Variants in VAMP4 observed in about 807,000 individuals in gnomAD.
The protein encoded by VAMP4 is vesicle associated membrane protein 4, also known as vesicle-associated membrane protein 4.
In VAMP4, 19 loss-of-function variants were observed where a neutral mutation model predicts 23.5. That is an observed-to-expected ratio of 0.81 (90% CI 0.56 to 1.19). The LOEUF (loss-of-function observed/expected upper bound fraction) is 1.19. VAMP4 is among the 50% of genes most tolerant of loss of function. The probability of loss-of-function intolerance (pLI) is 0.00; values close to 1 mark genes in which losing one functional copy is unlikely to be tolerated. For synonymous variants in VAMP4, 31 were observed against 51.0 expected (o/e 0.61, Z 1.67); for missense variants, 145 against 168.6 (o/e 0.86, Z 0.78).
At chr1:171,733,432 C>T (rs987083535) in intron 2 of VAMP4, among the ~76,000 whole-genome samples, 5 of 151,944 alleles carry the variant, frequency 3.3e-5, no homozygotes, top group Non-Finnish European at 7.4e-5. Context: ...TGCATTCCAG[C>T]CTGGGTGACA....
At chr1:171,719,111 T>C (rs1315748936) in intron 4 of VAMP4, 60 bp downstream of exon 4, 29 of 1,503,714 alleles carry the variant, frequency 1.9e-5, no homozygotes, top group Non-Finnish European at 2.6e-5. Flanking sequence ...GGCTGCAGTT[T>C]GCCAATCTCT....
intron 2 of VAMP4, among the ~76,000 whole-genome samples, chr1:171,737,631 T>G (rs375732105): frequency 6.6e-6 from 1 of 152,222 alleles, no homozygotes; most frequent in Admixed American, 6.5e-5. Context: ...TTTATTTACA[T>G]AGTTAGTTAG....
intron 7 of VAMP4, among the ~76,000 whole-genome samples, chr1:171,704,740 TTAAA>T (rs750965374): frequency 6.6e-6 from 1 of 152,054 alleles, no homozygotes; most frequent in Non-Finnish European, 1.5e-5. Flanking sequence ...CATTGGCATC[TTAAA>T]TAAATAATGG....
intron 4 of VAMP4, among the ~76,000 whole-genome samples, chr1:171,715,599 T>C (rs552162183): frequency 6.6e-6 from 1 of 152,316 alleles, no homozygotes; most frequent in East Asian, 1.9e-4. Context: ...TTAAATGAGA[T>C]AGTGTTATTC....
intron 5 of VAMP4, 25 bp downstream of exon 5, chr1:171,710,689 T>C (rs1203464786): frequency 1.9e-6 from 3 of 1,539,678 alleles, no homozygotes; most frequent in African/African-American, 2.7e-5. Context: ...ATTAGTAATA[T>C]CAAGAAATAC....
Position 171,738,109 on chromosome 1 carries a change from T to C in VAMP4, c.66+240A>G, listed in dbSNP as rs181128942. ...TTAGCCTCTTGAATAGCTGGAACCA[T>C]AGGCATGTGCTACCATGCCCCATTA... On this transcript the variant is annotated intron_variant, in intron 2 of 7. Coordinates refer to ENST00000236192, the MANE Select transcript of VAMP4 (RefSeq NM_003762.5). Among the ~76,000 whole-genome samples the C allele has an allele frequency of 2.1e-3, 324 of 152,282 alleles. 1 individual carries two copies. The highest frequency in any genetic ancestry group is 3.7e-3 in the South Asian group (18 of 4,828).
chr1:171,709,451 T>C (rs1168991937), intron 6 of VAMP4, among the ~76,000 whole-genome samples: 1 of 152,234 alleles, frequency 6.6e-6, no homozygotes, highest in Non-Finnish European at 1.5e-5. Flanking sequence ...AAAAAATCTA[T>C]GAAAACATCC....
chr1:171,718,873 A>G (rs1655100167), intron 4 of VAMP4, among the ~76,000 whole-genome samples: 1 of 152,168 alleles, frequency 6.6e-6, no homozygotes, highest in Non-Finnish European at 1.5e-5. Context: ...CCCAGCAGTT[A>G]TATTTAGTCT....
intron 7 of VAMP4, among the ~76,000 whole-genome samples, chr1:171,704,843 CATATA>C (rs1654598530): frequency 6.6e-6 from 1 of 151,818 alleles, no homozygotes; most frequent in Non-Finnish European, 1.5e-5. Flanking sequence ...TTAGAAAGTA[CATATA>C]ATATAGTCTT....
At chr1:171,740,106 C>G (rs963311557) in intron 1 of VAMP4, among the ~76,000 whole-genome samples, 2 of 152,176 alleles carry the variant, frequency 1.3e-5, no homozygotes, top group African/African-American at 4.8e-5. Context: ...CACCAAGAAA[C>G]TAGGAGAAAA....
intron 2 of VAMP4, among the ~76,000 whole-genome samples, chr1:171,733,179 C>T (rs975001968): frequency 1.3e-5 from 2 of 150,392 alleles, no homozygotes; most frequent in Non-Finnish European, 2.9e-5. Flanking sequence ...GGTTTATGGC[C>T]GGGCATGGTG....
At chr1:171,722,308 G>A (rs1655222172) in intron 3 of VAMP4, among the ~76,000 whole-genome samples, 1 of 152,106 alleles carries the variant, frequency 6.6e-6, no homozygotes, top group Non-Finnish European at 1.5e-5. Flanking sequence ...AACCCTAGAA[G>A]AAAACCTAGG....
rs35549560 is a variant in VAMP4, at chr1:171,727,240, C to CAAA, written c.113+1281_113+1283dup. On this transcript the variant is annotated intron_variant, in intron 3 of 7. Transcript: ENST00000236192. ...CCTGGGCAAAAGTAATACCTTGTCT[C>CAAA]AAAAAAAAAAAAAAAAAAAGCCAAA... is the stretch of plus-strand genomic sequence containing the variant. Among the ~76,000 whole-genome samples, 501 of 84,888 alleles carry CAAA rather than the reference C, an allele frequency of 5.9e-3. 22 individuals carry two copies. Among genetic ancestry groups the CAAA allele is most frequent in the African/African-American group, 0.02 (412 of 20,376 alleles). 55.7% of individuals were successfully genotyped at this position (84,888 alleles called of 152,430 possible). A position where few individuals can be genotyped will look rare whatever the true frequency, so the allele number is the denominator to read the frequency against.
chr1:171,723,245 T>C (rs1309442938), intron 3 of VAMP4, among the ~76,000 whole-genome samples: 6 of 152,132 alleles, frequency 3.9e-5, no homozygotes, highest in Admixed American at 3.9e-4. Context: ...AAATTAAAAT[T>C]GCTAATGAAG....
chr1:171,719,083 A>G (rs1369011467), intron 4 of VAMP4, 88 bp downstream of exon 4: 4 of 1,145,890 alleles, frequency 3.5e-6, no homozygotes, highest in African/African-American at 1.6e-5. Context: ...AACAGGCTGC[A>G]GCCAGATTTG....
intron 3 of VAMP4, among the ~76,000 whole-genome samples, chr1:171,728,178 C>T (rs181731472): frequency 2.2e-4 from 34 of 152,276 alleles, no homozygotes; most frequent in African/African-American, 7.9e-4. Context: ...CACATTGCCC[C>T]GCTTTGTCCC....
intron 3 of VAMP4, among the ~76,000 whole-genome samples, chr1:171,723,148 G>T (rs1186740059): frequency 6.6e-6 from 1 of 152,000 alleles, no homozygotes; most frequent in Non-Finnish European, 1.5e-5. Flanking sequence ...TACTAATAGG[G>T]TGTGGATTAT....
intron 3 of VAMP4, among the ~76,000 whole-genome samples, chr1:171,722,064 C>T (rs929326047): frequency 1.3e-5 from 2 of 152,204 alleles, no homozygotes; most frequent in Admixed American, 6.5e-5. Flanking sequence ...GAGATATAGA[C>T]CAATGGAACA....
At chr1:171,706,687 A>G (rs1009166413) in intron 6 of VAMP4, among the ~76,000 whole-genome samples, 3 of 152,228 alleles carry the variant, frequency 2.0e-5, no homozygotes, top group African/African-American at 7.2e-5. Flanking sequence ...ATATACTTTG[A>G]AAAAAAGTGC....
Sources: allele counts gnomAD v4.1 joint callset (sites outside exome capture counted in the v4.1 genomes callset), GRCh38; gene constraint gnomAD v4.1.1; transcripts MANE v1.5; gene names NCBI Gene and HGNC (gene_info 2026-07-23, HGNC 2026-07-21).